The following RANBP2 variants were observed in gnomAD, a reference collection of about 807,000 sequenced individuals.
RANBP2 encodes RAN binding protein 2, also known as E3 SUMO-protein ligase RanBP2.
A neutral mutation model predicts 303.6 loss-of-function variants in RANBP2; 57 were observed. That is an observed-to-expected ratio of 0.19 (90% CI 0.15 to 0.23). The LOEUF is 0.23. RANBP2 is among the 10% of genes least tolerant of loss of function. The pLI is 1.00. For synonymous variants in RANBP2, 1,167 were observed against 1,301.5 expected (o/e 0.90, Z 2.23); for missense variants, 3,138 against 3,780.8 (o/e 0.83, Z 4.46).
chr2:109,490,778 G>A, the RANBP2 span: 1 of 1,536,936 alleles, frequency 6.5e-7, no homozygotes, highest in Non-Finnish European at 8.7e-7. Flanking sequence ...GCAGGGCAGG[G>A]TCCTGCCCCA....
the RANBP2 span, among the ~76,000 whole-genome samples, chr2:109,021,585 GC>G: frequency 6.6e-6 from 1 of 150,968 alleles, no homozygotes; most frequent in Non-Finnish European, 1.5e-5. Flanking sequence ...GTTCTGACAT[GC>G]GATAGTTCTC....
chr2:108,923,103 C>T, the RANBP2 span, among the ~76,000 whole-genome samples: 45 of 152,226 alleles, frequency 3.0e-4, 1 homozygote, highest in South Asian at 8.5e-3. Context: ...ATGAGAAAAC[C>T]GAGGCTCATG....
At chr2:109,151,474 A>G in the RANBP2 span, among the ~76,000 whole-genome samples, 2 of 152,272 alleles carry the variant, frequency 1.3e-5, no homozygotes, top group South Asian at 4.1e-4. Context: ...TTTAATTTAA[A>G]AATTTCTGGT....
At chr2:109,638,167 A>G in the RANBP2 span, among the ~76,000 whole-genome samples, 1 of 152,236 alleles carries the variant, frequency 6.6e-6, no homozygotes, top group African/African-American at 2.4e-5. Flanking sequence ...GCAAAAGGTT[A>G]ACAGTTGGAA....
chr2:109,152,895 G>A, the RANBP2 span, among the ~76,000 whole-genome samples: 1 of 152,180 alleles, frequency 6.6e-6, no homozygotes, highest in Non-Finnish European at 1.5e-5. Flanking sequence ...CCTTGTTCTC[G>A]ATGGAGGCAC....
the RANBP2 span, among the ~76,000 whole-genome samples, chr2:108,976,064 T>G: frequency 2.0e-5 from 3 of 152,186 alleles, no homozygotes; most frequent in Non-Finnish European, 4.4e-5. Context: ...CAAATACTGG[T>G]GCAATACTGG....
the RANBP2 span, among the ~76,000 whole-genome samples, chr2:109,498,679 G>A: frequency 8.5e-5 from 13 of 152,252 alleles, no homozygotes; most frequent in East Asian, 2.5e-3. Context: ...TCCAGGATGG[G>A]CCCAGGGAAC....
At chr2:108,844,734 C>G in the RANBP2 span, among the ~76,000 whole-genome samples, 3 of 151,244 alleles carry the variant, frequency 2.0e-5, no homozygotes, top group Non-Finnish European at 4.4e-5. Context: ...CAATTAAAGG[C>G]AAATACTATC....
chr2:109,278,010 C>CAAAAAA, the RANBP2 span, among the ~76,000 whole-genome samples: 6 of 81,282 alleles, frequency 7.4e-5, no homozygotes, highest in Non-Finnish European at 1.2e-4. Flanking sequence ...CTGTCTCTAA[C>CAAAAAA]AAAAAAAAAA....
chr2:109,199,155 C>T, the RANBP2 span, among the ~76,000 whole-genome samples: 4 of 151,770 alleles, frequency 2.6e-5, no homozygotes, highest in Non-Finnish European at 5.9e-5. Flanking sequence ...GTCAGGAGAT[C>T]GAGACCATCC....
the RANBP2 span, among the ~76,000 whole-genome samples, chr2:109,551,682 T>C: frequency 6.6e-6 from 1 of 152,204 alleles, no homozygotes; most frequent in Admixed American, 6.5e-5. Context: ...GCATTATAAA[T>C]AAATTAGTAA....
the RANBP2 span, among the ~76,000 whole-genome samples, chr2:108,963,241 A>G: frequency 1.3e-5 from 2 of 152,208 alleles, no homozygotes; most frequent in Non-Finnish European, 2.9e-5. Context: ...TCTGTGGCCA[A>G]CGTAAAAGGG....
At chr2:108,860,238 C>G in the RANBP2 span, among the ~76,000 whole-genome samples, 1 of 151,806 alleles carries the variant, frequency 6.6e-6, no homozygotes, top group Non-Finnish European at 1.5e-5. Flanking sequence ...GTCTGGGAGT[C>G]TTTTGGCAAG....
the RANBP2 span, among the ~76,000 whole-genome samples, chr2:109,770,529 C>A: frequency 1.2e-5 from 1 of 80,682 alleles, no homozygotes; most frequent in African/African-American, 7.2e-5. Context: ...TCCTGCCAGG[C>A]CCCTCTTCTG....
the RANBP2 span, among the ~76,000 whole-genome samples, chr2:109,141,293 C>T: frequency 6.6e-6 from 1 of 152,204 alleles, no homozygotes; most frequent in Non-Finnish European, 1.5e-5. Context: ...AGTGCTCTGT[C>T]GGCTTTTGCA....
At chr2:108,835,347 G>A in the RANBP2 span, among the ~76,000 whole-genome samples, 1 of 152,042 alleles carries the variant, frequency 6.6e-6, no homozygotes, top group Non-Finnish European at 1.5e-5. Flanking sequence ...CATCTCAGCC[G>A]TGAGCTCAAA....
the RANBP2 span, among the ~76,000 whole-genome samples, chr2:109,241,144 C>T: frequency 2.0e-5 from 3 of 152,090 alleles, no homozygotes; most frequent in African/African-American, 4.8e-5. Flanking sequence ...AGTCGACAGT[C>T]AATGATGACA....
At chr2:109,154,662 C>A in the RANBP2 span, among the ~76,000 whole-genome samples, 1 of 152,306 alleles carries the variant, frequency 6.6e-6, no homozygotes, top group Admixed American at 6.5e-5. Context: ...TTTGGCCTTG[C>A]TGTAGTGCTG....
At chr2:109,252,029 T>C in the RANBP2 span, among the ~76,000 whole-genome samples, 1 of 152,082 alleles carries the variant, frequency 6.6e-6, no homozygotes, top group African/African-American at 2.4e-5. Context: ...GATGGATCAC[T>C]TGAGCTAAGG....
Sources: allele counts gnomAD v4.1 joint callset (sites outside exome capture counted in the v4.1 genomes callset), GRCh38; gene constraint gnomAD v4.1.1; transcripts MANE v1.5; gene names NCBI Gene and HGNC (gene_info 2026-07-23, HGNC 2026-07-21).